LRRC74A: variants seen among roughly 807,000 people sequenced by gnomAD.
LRRC74A encodes leucine-rich repeat-containing protein 74A.
Under a neutral mutation model 57.9 loss-of-function variants are expected in LRRC74A, and 44 were observed. The observed-to-expected ratio is 0.76, with a 90% CI of 0.60 to 0.98. The LOEUF (loss-of-function observed/expected upper bound fraction) is 0.98, where lower values mean the gene tolerates loss of function less well. Ranked by LOEUF, LRRC74A falls within the 50% of genes least tolerant of loss-of-function variation. The probability of loss-of-function intolerance (pLI) is 0.00; values close to 1 mark genes in which losing one functional copy is unlikely to be tolerated. For missense variants in LRRC74A, 572 were observed against 574.0 expected, an observed-to-expected ratio of 1.00 and a Z score of 0.04; for synonymous variants, 211 against 219.4, an observed-to-expected ratio of 0.96 and a Z score of 0.34.
At chr14:76,861,143 A>T (rs754132956) in intron 11 of LRRC74A, among the ~76,000 whole-genome samples, 1 of 152,232 alleles carries the variant, frequency 6.6e-6, no homozygotes, top group Non-Finnish European at 1.5e-5. Context: ...ACCAAGGGCA[A>T]GTTACTAAAG....
intron 2 of LRRC74A, among the ~76,000 whole-genome samples, chr14:76,829,562 CCT>C (rs1286905593): frequency 2.0e-5 from 3 of 152,202 alleles, no homozygotes; most frequent in African/African-American, 7.2e-5. Context: ...CATCTCTTCC[CCT>C]GACTGCAGCA....
rs748570959 is a variant in LRRC74A, at chr14:76,831,331, G to A, written c.295G>A (p.Gly99Ser). ...EESYVNLNHH[G>S]LGPRGTKAIA... ...GTCCTACGTGAACCTCAACCACCAC[G>A]GCCTGGGCCCCAGGGGTACCAAGGC... Residue 99 changes from glycine (G) to serine (S), a missense_variant, in exon 3 of 14, where the codon GGC (glycine) becomes AGC (serine). Gly to Ser is a moderately conservative substitution (Grantham distance 56, BLOSUM62 0). Transcript: ENST00000689127. 3.7e-5 allele frequency: 59 copies of A among 1,613,740 alleles called. No homozygotes were observed. The highest frequency in any genetic ancestry group is 4.7e-5 in the Non-Finnish European group (56 of 1,179,900).
intron 9 of LRRC74A, among the ~76,000 whole-genome samples, chr14:76,855,026 C>T (rs1897784210): frequency 1.3e-5 from 2 of 152,198 alleles, no homozygotes; most frequent in Non-Finnish European, 2.9e-5. Context: ...CCAACTCCCT[C>T]AAGATGTGAG....
intron 5 of LRRC74A, among the ~76,000 whole-genome samples, chr14:76,840,244 G>GC (rs529397742): frequency 1.3e-5 from 2 of 151,816 alleles, no homozygotes; most frequent in Admixed American, 6.6e-5. Context: ...CCCAGGACTG[G>GC]CCCCCCTGGG....
At chr14:76,856,426 A>G (rs1478692844) in intron 9 of LRRC74A, among the ~76,000 whole-genome samples, 2 of 152,150 alleles carry the variant, frequency 1.3e-5, no homozygotes, top group African/African-American at 4.8e-5. Flanking sequence ...GAGGGCAGAA[A>G]CCTTGCCATG....
intron 7 of LRRC74A, among the ~76,000 whole-genome samples, chr14:76,848,031 G>A (rs536597473): frequency 7.9e-5 from 12 of 151,790 alleles, no homozygotes; most frequent in African/African-American, 2.9e-4. Context: ...AACATTAGCC[G>A]GTGTAGTGGT....
chr14:76,862,536 CAA>C (rs67527511), intron 11 of LRRC74A, among the ~76,000 whole-genome samples: 25,606 of 145,918 alleles, frequency 0.18, 2,547 homozygotes, highest in Middle Eastern at 0.23. Flanking sequence ...GACTCTGTCT[CAA>C]AAAAAAAAAA....
At chr14:76,869,823 A>C (rs1229109184) in intron 13 of LRRC74A, among the ~76,000 whole-genome samples, 4 of 152,134 alleles carry the variant, frequency 2.6e-5, no homozygotes, top group Non-Finnish European at 5.9e-5. Context: ...AAGGAAAAAA[A>C]ATGAAGGTCC....
At chr14:76,843,287 CAAAAAAAAA>C (rs59087508) in intron 5 of LRRC74A, among the ~76,000 whole-genome samples, 8 of 130,558 alleles carry the variant, frequency 6.1e-5, no homozygotes, top group African/African-American at 2.2e-4. Flanking sequence ...GACTCCGTCT[CAAAAAAAAA>C]AAAAAAAAAA....
intron 5 of LRRC74A, among the ~76,000 whole-genome samples, chr14:76,842,868 T>C (rs1478810436): frequency 1.3e-5 from 2 of 152,216 alleles, no homozygotes; most frequent in African/African-American, 4.8e-5. Context: ...CCATTTGCGT[T>C]GGTCACAAAA....
intron 13 of LRRC74A, among the ~76,000 whole-genome samples, chr14:76,869,777 A>G (rs11625025): frequency 0.58 from 86,471 of 149,546 alleles, 27,004 homozygotes; most frequent in South Asian, 0.77. Flanking sequence ...AAAAAAAAAG[A>G]AAAGAAAAAA....
intron 11 of LRRC74A, 71 bp from the exon 12 acceptor site, chr14:76,865,897 G>C (rs1898742928): frequency 3.3e-6 from 4 of 1,207,180 alleles, no homozygotes; most frequent in Middle Eastern, 2.2e-4. Context: ...TCTTTTGTGG[G>C]AGGGAAGGGG....
chr14:76,827,225 TCTAA>T (rs1895639162), intron 1 of LRRC74A, among the ~76,000 whole-genome samples: 1 of 152,214 alleles, frequency 6.6e-6, no homozygotes, highest in African/African-American at 2.4e-5. Flanking sequence ...TTGTCTGTCT[TCTAA>T]CTACCAGGCC....
intron 10 of LRRC74A, 28 bp downstream of exon 10, chr14:76,857,503 G>T: frequency 6.6e-7 from 1 of 1,504,236 alleles, no homozygotes; most frequent in Non-Finnish European, 9.1e-7. Flanking sequence ...AGTTGCTTGC[G>T]TCTGGGCACA....
chr14:76,837,388 A>G (rs1011494668), intron 4 of LRRC74A, among the ~76,000 whole-genome samples: 7 of 152,206 alleles, frequency 4.6e-5, no homozygotes, highest in Non-Finnish European at 8.8e-5. Flanking sequence ...GGAACAACCA[A>G]TTAAGACAAT....
At chr14:76,854,050 C>T (rs1376633337) in intron 9 of LRRC74A, among the ~76,000 whole-genome samples, 1 of 152,132 alleles carries the variant, frequency 6.6e-6, no homozygotes, top group African/African-American at 2.4e-5. Context: ...CCCCAAGTGC[C>T]CCTCCAGCCT....
intron 9 of LRRC74A, among the ~76,000 whole-genome samples, chr14:76,856,020 T>C (rs1261335141): frequency 6.6e-6 from 1 of 152,212 alleles, no homozygotes. Flanking sequence ...CATCCATGCT[T>C]CAGCAGCTCC....
Position 76,866,105 on chromosome 14 carries a change from TGTGTGA to T in LRRC74A, c.1308+45_1308+50del, listed in dbSNP as rs1421258658. 21 of 1,424,992 alleles carry T rather than the reference TGTGTGA, an allele frequency of 1.5e-5. No individual in the cohort carries two copies. The African/African-American group carries it at 1.6e-4, about 11-fold the overall frequency. The allele number at this position is 1,424,992 out of a possible 1,614,324, so 88.3% of individuals were successfully genotyped here. A position where few individuals can be genotyped will look rare whatever the true frequency, so the allele number is the denominator to read the frequency against. On this transcript the variant is annotated intron_variant, in intron 12 of 13. Transcript: ENST00000689127. ...GCTGGGTCCTAGTGGCAACAGGCTG[TGTGTGA>T]GTGTGAGTGTGAGTTTGTGTGTCAG...
chr14:76,860,717 A>G lies in LRRC74A; in HGVS notation c.1078A>G (p.Met360Val), dbSNP rs767023241. The change falls in exon 11 of 14, where the codon ATG (methionine) becomes GTG (valine). Residue 360 changes from methionine (M) to valine (V), a missense_variant. Physicochemically the swap from Met to Val is conservative, Grantham distance 21. Transcript: ENST00000689127. ...GAACGTGCTGGTGTCCGAGCAGTTC[A>G]TGAAAACGTTGGACGGAGTGTATGC... is the stretch of plus-strand genomic sequence containing the variant. ...ISNVLVSEQF[M>V]KTLDGVYAVH... is the part of the protein sequence containing the mutation. 3.1e-6 allele frequency: 5 copies of G among 1,611,914 alleles called. No homozygotes were observed. Among genetic ancestry groups the G allele is most frequent in the Non-Finnish European group, 4.2e-6 (5 of 1,178,712 alleles).
Sources: gnomAD v4.1 joint callset for allele counts (sites outside exome capture counted in the v4.1 genomes callset) on GRCh38, gnomAD v4.1.1 for gene constraint, MANE v1.5 for transcripts, NCBI Gene and HGNC (gene_info 2026-07-23, HGNC 2026-07-21) for gene names.